The following NSL1 variants were observed in gnomAD, a reference collection of about 807,000 sequenced individuals.
The protein encoded by NSL1 is kinetochore-associated protein NSL1 homolog.
Under a neutral mutation model 25.4 loss-of-function variants are expected in NSL1, and 11 were observed. The observed-to-expected ratio is 0.43, with a 90% confidence interval of 0.27 to 0.72. The LOEUF (loss-of-function observed/expected upper bound fraction) is 0.72. NSL1 is among the 30% of genes least tolerant of loss of function. The pLI, the probability that NSL1 is intolerant of heterozygous loss-of-function variation, is 0.19. For synonymous variants in NSL1, 118 were observed against 120.6 expected, an observed-to-expected ratio of 0.98 and a Z score of 0.14; for missense variants, 330 against 342.7, an observed-to-expected ratio of 0.96 and a Z score of 0.29.
chr1:212,788,129 G>A (rs865858714), intron 1 of NSL1, among the ~76,000 whole-genome samples: 32 of 152,232 alleles, frequency 2.1e-4, no homozygotes, highest in South Asian at 2.1e-4. Flanking sequence ...AATAGCAAAC[G>A]TAGGCCAGGT....
At chr1:212,778,486 T>C (rs1200609441) in intron 4 of NSL1, among the ~76,000 whole-genome samples, 2 of 152,242 alleles carry the variant, frequency 1.3e-5, no homozygotes, top group African/African-American at 4.8e-5. Flanking sequence ...CTCGGCTCAC[T>C]GCAACCTCCC....
intron 1 of NSL1, among the ~76,000 whole-genome samples, chr1:212,789,876 TCTCC>T (rs1661102708): frequency 6.6e-6 from 1 of 152,168 alleles, no homozygotes; most frequent in African/African-American, 2.4e-5. Context: ...ACAAAAGTCT[TCTCC>T]CAAAAAACTA....
At chr1:212,744,920 C>T (rs946111229) in intron 4 of NSL1, among the ~76,000 whole-genome samples, 2 of 152,138 alleles carry the variant, frequency 1.3e-5, no homozygotes, top group East Asian at 1.9e-4. Context: ...GGCCGGATCA[C>T]GTGAAGTCAG....
chr1:212,778,745 G>A (rs1184182207), intron 4 of NSL1, among the ~76,000 whole-genome samples: 6 of 151,614 alleles, frequency 4.0e-5, no homozygotes, highest in Non-Finnish European at 5.9e-5. Context: ...ATCTCGGCTC[G>A]CTACAACCTC....
At chr1:212,770,414 C>T (rs1660048219) in intron 4 of NSL1, among the ~76,000 whole-genome samples, 1 of 151,726 alleles carries the variant, frequency 6.6e-6, no homozygotes, top group Non-Finnish European at 1.5e-5. Context: ...AACTGAAAAG[C>T]CTAAAGGAAA....
chr1:212,781,400 A>G (rs1444852535), intron 4 of NSL1, among the ~76,000 whole-genome samples: 1 of 152,202 alleles, frequency 6.6e-6, no homozygotes, highest in Non-Finnish European at 1.5e-5. Context: ...GTATATGTCA[A>G]CCACTGCATA....
At chr1:212,759,945 CATGTGCCTTTA>C (rs1659485004) in intron 4 of NSL1, among the ~76,000 whole-genome samples, 2 of 152,312 alleles carry the variant, frequency 1.3e-5, no homozygotes, top group African/African-American at 4.8e-5. Context: ...TGCGCACTGG[CATGTGCCTTTA>C]GTGTGCCTAG....
Position 212,735,192 on chromosome 1 carries a change from T to C in NSL1, c.*3216A>G, listed in dbSNP as rs985120426. The C allele has an allele frequency of 1.2e-5, 6 of 517,976 alleles. No homozygotes were observed. Among genetic ancestry groups the C allele is most frequent in the Admixed American group, 6.4e-5 (1 of 15,696 alleles). The allele number at this position is 517,976 out of a possible 1,614,324, so 32.1% of individuals were successfully genotyped here. On this transcript the variant is annotated 3_prime_UTR_variant, in exon 6 of 6. Transcript: ENST00000366977. Reference sequence around the variant, plus strand: ...GCTCTTTAAGATCTCTGACTTTTGATCATAGACAGGTTAAGTAACTTGTCC... The same window carrying C: ...GCTCTTTAAGATCTCTGACTTTTGACCATAGACAGGTTAAGTAACTTGTCC...
At chr1:212,745,883 T>G (rs1658768049) in intron 4 of NSL1, among the ~76,000 whole-genome samples, 1 of 152,178 alleles carries the variant, frequency 6.6e-6, no homozygotes, top group South Asian at 2.1e-4. Context: ...ATGGATCACC[T>G]GAGCCCAGGG....
chr1:212,776,642 G>T (rs888058418), intron 4 of NSL1, among the ~76,000 whole-genome samples: 3 of 150,756 alleles, frequency 2.0e-5, no homozygotes, highest in African/African-American at 7.3e-5. Flanking sequence ...CTGAGAAAGA[G>T]AAAAATAAGA....
intron 2 of NSL1, among the ~76,000 whole-genome samples, chr1:212,784,975 G>C (rs1660883286): frequency 6.6e-6 from 1 of 152,212 alleles, no homozygotes. Context: ...TTAGGCAGTG[G>C]AAACAGTATT....
intron 4 of NSL1, among the ~76,000 whole-genome samples, chr1:212,756,998 T>A (rs1659342144): frequency 6.6e-6 from 1 of 152,050 alleles, no homozygotes; most frequent in East Asian, 1.9e-4. Flanking sequence ...AAGGGAGTCA[T>A]AAGAGAATCT....
At chr1:212,766,264 C>A in intron 4 of NSL1, 1 of 634,096 alleles carries the variant, frequency 1.6e-6, no homozygotes, top group Non-Finnish European at 2.8e-6. Context: ...GAAAGCATTC[C>A]CGTTGAGAAC....
In NSL1 at chr1:212,734,432, T is replaced by A. The variant is rs193250506; in HGVS notation, c.*3976A>T. Among the ~76,000 whole-genome samples, 24 of 152,318 alleles carry A rather than the reference T, an allele frequency of 1.6e-4. No homozygotes were observed. Among genetic ancestry groups the A allele is most frequent in the African/African-American group, 5.1e-4 (21 of 41,562 alleles). On this transcript the variant is annotated 3_prime_UTR_variant, in exon 6 of 6. Transcript: ENST00000366977. ...AAAACTTAAATAAAGTGCAGAAATT[T>A]TAAGTGTATAGTTCAACAAAATTTT...
At chr1:212,751,711 A>AT (rs5780699) in intron 4 of NSL1, among the ~76,000 whole-genome samples, 4 of 151,798 alleles carry the variant, frequency 2.6e-5, no homozygotes, top group African/African-American at 9.7e-5. Flanking sequence ...TAATAAAACC[A>AT]TTTTTTTTAA....
chr1:212,728,628 CTCTGA>C lies in NSL1; in HGVS notation c.*9775_*9779del. On this transcript the variant is annotated 3_prime_UTR_variant, in exon 6 of 6. Transcript: ENST00000366977. The stretch of plus-strand genomic sequence containing the variant: ...AAAATGGTTTCTGAGAATTCTGAGG[CTCTGA>C]TCTGATGAGTGAAGGGAACCACAGG... 1.0e-6 allele frequency: 1 copy of C among 985,394 alleles called. No homozygotes were observed. The highest frequency in any genetic ancestry group is 1.2e-6 in the Non-Finnish European group (1 of 829,928). The allele number at this position is 985,394 out of a possible 1,614,324, so 61.0% of individuals were successfully genotyped here.
chr1:212,726,969 G>C lies in NSL1; in HGVS notation c.*11439C>G, dbSNP rs2292214. 424,318 of 649,068 alleles carry C rather than the reference G, an allele frequency of 0.65. 140,877 individuals are homozygous for C. Among genetic ancestry groups the C allele is most frequent in the Non-Finnish European group, 0.68 (269,749 of 397,364 alleles). 40.2% of individuals were successfully genotyped at this position (649,068 alleles called of 1,614,324 possible). A position where few individuals can be genotyped will look rare whatever the true frequency, so the allele number is the denominator to read the frequency against. On this transcript the variant is annotated 3_prime_UTR_variant, in exon 6 of 6. Coordinates refer to ENST00000366977, the MANE Select transcript of NSL1 (RefSeq NM_015471.4). ...TCATGGTGGGTGAAGAGCACAGGGA[G>C]AGTGTGCTTCCTGGCTGTGTCCTCT... is the stretch of plus-strand genomic sequence containing the variant.
chr1:212,727,058 C>T lies in NSL1; in HGVS notation c.*11350G>A, dbSNP rs972178456. ...TGACTGCCGAGAGAGGGAGGGCGGG[C>T]TCTGGGTCACCCAGCTTCATCCTCT... On this transcript the variant is annotated 3_prime_UTR_variant, in exon 6 of 6. Transcript: ENST00000366977. The T allele has an allele frequency of 3.3e-6, 5 of 1,521,920 alleles. No homozygotes were observed. Among genetic ancestry groups the T allele is most frequent in the Non-Finnish European group, 3.5e-6 (4 of 1,131,524 alleles). The allele number at this position is 1,521,920 out of a possible 1,614,324, so 94.3% of individuals were successfully genotyped here. A position where few individuals can be genotyped will look rare whatever the true frequency, so the allele number is the denominator to read the frequency against.
chr1:212,778,479 G>A (rs951972591), intron 4 of NSL1, among the ~76,000 whole-genome samples: 3 of 151,464 alleles, frequency 2.0e-5, no homozygotes, highest in South Asian at 2.1e-4. Context: ...CTGCCATCTC[G>A]GCTCACTGCA....
Sources: allele counts gnomAD v4.1 joint callset (sites outside exome capture counted in the v4.1 genomes callset), GRCh38; gene constraint gnomAD v4.1.1; transcripts MANE v1.5; gene names NCBI Gene and HGNC (gene_info 2026-07-23, HGNC 2026-07-21).